The following ELF5 variants were observed in gnomAD, a reference collection of about 807,000 sequenced individuals.
ELF5 encodes ETS-related transcription factor Elf-5.
Under a neutral mutation model 38.2 loss-of-function variants are expected in ELF5, and 31 were observed. That is an observed-to-expected ratio of 0.81 (90% CI 0.61 to 1.10). The LOEUF (loss-of-function observed/expected upper bound fraction) is 1.10. Among genes scored for constraint, ELF5 ranks in the 50% least tolerant of loss-of-function variants. ELF5 has a pLI of 0.00. For synonymous variants in ELF5, 121 were observed against 112.5 expected, an observed-to-expected ratio of 1.08 and a Z score of -0.48; for missense variants, 300 against 306.6, an observed-to-expected ratio of 0.98 and a Z score of 0.16.
At chr11:34,512,426 A>G (rs150645729) in intron 1 of ELF5, among the ~76,000 whole-genome samples, 1 of 152,138 alleles carries the variant, frequency 6.6e-6, no homozygotes, top group East Asian at 1.9e-4. Context: ...TGGATTACAT[A>G]TATCAGGGGT....
chr11:34,487,827 T>G (rs962892600), intron 4 of ELF5, among the ~76,000 whole-genome samples: 36 of 152,316 alleles, frequency 2.4e-4, no homozygotes, highest in African/African-American at 8.2e-4. Context: ...GCTATGCAAC[T>G]GAGGAGTTGA....
intron 2 of ELF5, among the ~76,000 whole-genome samples, chr11:34,504,407 G>A (rs1850552275): frequency 6.6e-6 from 1 of 152,126 alleles, no homozygotes; most frequent in Non-Finnish European, 1.5e-5. Flanking sequence ...GTGCGTGTGT[G>A]TGTGTGCACG....
intron 1 of ELF5, chr11:34,511,732 A>G (rs2133908675): frequency 1.2e-6 from 1 of 812,734 alleles, no homozygotes; most frequent in Non-Finnish European, 2.0e-6. Flanking sequence ...TGTGGCTCCC[A>G]TGGCCTGAGC....
intron 2 of ELF5, among the ~76,000 whole-genome samples, chr11:34,498,535 G>C (rs1382710044): frequency 6.6e-6 from 1 of 152,116 alleles, no homozygotes; most frequent in Non-Finnish European, 1.5e-5. Context: ...TTAAAAGCTG[G>C]GGACACAGGC....
intron 1 of ELF5, among the ~76,000 whole-genome samples, chr11:34,506,902 G>A: frequency 6.6e-6 from 1 of 152,300 alleles, no homozygotes; most frequent in East Asian, 1.9e-4. Context: ...AAAACTGAAA[G>A]GAAGTGTGTG....
chr11:34,487,383 T>G (rs927540893), intron 4 of ELF5, among the ~76,000 whole-genome samples: 2 of 152,106 alleles, frequency 1.3e-5, no homozygotes, highest in African/African-American at 2.4e-5. Context: ...CCAGAGCCCT[T>G]GCCCCACCAC....
rs1856930352 is a variant in ELF5 at position 34,481,003 on chromosome 11, TG to T, written c.476-37del. On this transcript the variant is annotated intron_variant, in intron 5 of 6. Transcript: ENST00000257832. ...GGGGAAAACATTAACTATTTACCAT[TG>T]TTTTTTAAATTAATTAATTAATTAA... 7.0e-6 allele frequency: 10 copies of T among 1,429,180 alleles called. No homozygotes were observed. In the South Asian group the frequency reaches 1.3e-4, roughly 18 times the overall value. 88.5% of individuals were successfully genotyped at this position (1,429,180 alleles called of 1,614,324 possible).
intron 1 of ELF5, chr11:34,511,654 C>A (rs1023241859): frequency 1.3e-6 from 2 of 1,568,710 alleles, no homozygotes; most frequent in African/African-American, 2.7e-5. Flanking sequence ...CAGAGAGGGT[C>A]CACCGAGTTG....
rs527417616 is a variant in ELF5 at position 34,513,072 on chromosome 11, G to T, written c.-5+605C>A. ...CAACCCCACAGAAACCCCACACACTGCAGAGTCTGACAAGGCCTGAGAACA... is the reference window on the plus strand; with the variant it reads ...CAACCCCACAGAAACCCCACACACTTCAGAGTCTGACAAGGCCTGAGAACA... On this transcript the variant is annotated intron_variant, in intron 1 of 6. Transcript: ENST00000257832. Among the ~76,000 whole-genome samples, 6 of 152,324 alleles carry T rather than the reference G, an allele frequency of 3.9e-5. No homozygotes were observed. The South Asian group carries it at 1.2e-3, about 32-fold the overall frequency.
intron 2 of ELF5, among the ~76,000 whole-genome samples, 173 bp downstream of exon 2, chr11:34,505,456 T>A (rs1202674165): frequency 6.6e-6 from 1 of 152,174 alleles, no homozygotes; most frequent in Admixed American, 6.5e-5. Context: ...TTCCAGCACC[T>A]TTTATCTGCA....
At chr11:34,486,124 G>C (rs1477448709) in intron 4 of ELF5, among the ~76,000 whole-genome samples, 5 of 152,074 alleles carry the variant, frequency 3.3e-5, no homozygotes, top group Non-Finnish European at 7.4e-5. Context: ...TGAGTTGCAG[G>C]GTTTCCGAAA....
chr11:34,485,242 T>C (rs184959316), intron 4 of ELF5, among the ~76,000 whole-genome samples: 2 of 152,360 alleles, frequency 1.3e-5, no homozygotes, highest in Non-Finnish European at 2.9e-5. Context: ...GCAAAGCTAA[T>C]GTTCATAACT....
intron 2 of ELF5, among the ~76,000 whole-genome samples, chr11:34,499,467 C>A (rs79737473): frequency 0.19 from 29,334 of 152,144 alleles, 3,213 homozygotes; most frequent in South Asian, 0.37. Flanking sequence ...TGGTCTTGAA[C>A]TCCTGGGCTC....
At chr11:34,505,562 G>A (rs1051978218) in intron 2 of ELF5, 67 bp downstream of exon 2, 1 of 1,601,166 alleles carries the variant, frequency 6.2e-7, no homozygotes, top group South Asian at 1.1e-5. Context: ...TCCACCTGCG[G>A]CCAGCACCAC....
intron 1 of ELF5, among the ~76,000 whole-genome samples, chr11:34,509,738 T>C (rs1850705283): frequency 6.6e-6 from 1 of 152,066 alleles, no homozygotes; most frequent in Non-Finnish European, 1.5e-5. Context: ...TTCCTTTAAG[T>C]GAGGGCTGAA....
In ELF5 at chr11:34,493,534, T is replaced by C. The variant is rs1850234613; in HGVS notation, c.300A>G (p.Ala100=). 6.2e-7 allele frequency: 1 copy of C among 1,614,080 alleles called. No individual in the cohort carries two copies. The highest frequency in any genetic ancestry group is 1.3e-5 in the African/African-American group (1 of 74,928). ...ACAGGTACTCGCCGCAGAGGCCAGC[T>C]GCCTCGACGAACTCCTCCTGTGTCA... ...CSMTQEEFVE[A]AGLCGEYLYF... The change falls in exon 3 of 7, where the codon GCA becomes GCG. Residue 100 remains alanine (A), a synonymous_variant. Coordinates refer to ENST00000257832, the MANE Select transcript of ELF5 (RefSeq NM_001422.4).
At chr11:34,490,176 C>A in intron 3 of ELF5, 117 bp from the exon 4 acceptor site, 7 of 1,131,000 alleles carry the variant, frequency 6.2e-6, no homozygotes, top group Middle Eastern at 2.0e-4. Context: ...AGGTTGGTTA[C>A]AATTTAGAGG....
intron 2 of ELF5, among the ~76,000 whole-genome samples, chr11:34,503,596 G>A (rs1405976138): frequency 6.6e-6 from 1 of 151,992 alleles, no homozygotes; most frequent in African/African-American, 2.4e-5. Flanking sequence ...CTACAGGCAT[G>A]TGCCACCATA....
chr11:34,492,967 A>C lies in ELF5; in HGVS notation c.355+512T>G, dbSNP rs139260539. On this transcript the variant is annotated intron_variant, in intron 3 of 6. Coordinates refer to ENST00000257832, the MANE Select transcript of ELF5 (RefSeq NM_001422.4). Reference sequence around the variant, plus strand: ...TTCTGGATTGAAAAAATGTTCATCGACATTCTGCATGCAAAAGGCCTGTTG... The same window carrying C: ...TTCTGGATTGAAAAAATGTTCATCGCCATTCTGCATGCAAAAGGCCTGTTG... The C allele has an allele frequency of 1.2e-4, 20 of 172,260 alleles. 1 individual carries two copies. The East Asian group carries it at 2.8e-3, about 24-fold the overall frequency. 10.7% of individuals were successfully genotyped at this position (172,260 alleles called of 1,614,324 possible). A position where few individuals can be genotyped will look rare whatever the true frequency, so the allele number is the denominator to read the frequency against.
Sources: allele counts gnomAD v4.1 joint callset (sites outside exome capture counted in the v4.1 genomes callset), GRCh38; gene constraint gnomAD v4.1.1; transcripts MANE v1.5; gene names NCBI Gene and HGNC (gene_info 2026-07-23, HGNC 2026-07-21).